ZNF135: variants seen among roughly 807,000 people sequenced by gnomAD.
ZNF135 encodes zinc finger protein 135.
ZNF135 carries 11 observed loss-of-function variants against 12.3 expected under a neutral mutation model. The observed-to-expected ratio is 0.89, with a 90% CI of 0.56 to 1.48. The LOEUF (loss-of-function observed/expected upper bound fraction) is 1.48. Among genes scored for constraint, ZNF135 ranks in the 40% most tolerant of loss-of-function variants. ZNF135 has a pLI of 0.00. For missense variants in ZNF135, 722 were observed against 815.7 expected, an observed-to-expected ratio of 0.89 and a Z score of 1.40; for synonymous variants, 316 against 312.0, an observed-to-expected ratio of 1.01 and a Z score of -0.14.
rs1422182790 is a variant in ZNF135 at position 58,069,149 on chromosome 19, G to A, written c.*688G>A. The A allele has an allele frequency of 6.6e-6, 1 of 152,252 alleles. No individual in the cohort carries two copies. The highest frequency in any genetic ancestry group is 1.5e-5 in the Non-Finnish European group (1 of 68,106). The allele number at this position is 152,252 out of a possible 1,614,324, so 9.4% of individuals were successfully genotyped here. On this transcript the variant is annotated 3_prime_UTR_variant, in exon 5 of 5. Coordinates refer to ENST00000313434, the MANE Select transcript of ZNF135 (RefSeq NM_001289401.2). The stretch of plus-strand genomic sequence containing the variant: ...CAAAGTATCAGTGTACTATAAACAG[G>A]TTTTTAGTTATCCCTGCATTATTTT...
chr19:58,067,315 G>A lies in ZNF135; in HGVS notation c.831G>A (p.Arg277=), dbSNP rs2074087433. The A allele has an allele frequency of 6.2e-7, 1 of 1,614,070 alleles. No homozygotes were observed. The highest frequency in any genetic ancestry group is 8.5e-7 in the Non-Finnish European group (1 of 1,180,016). Residue 277 remains arginine, a synonymous_variant, in exon 5 of 5, where the codon AGG becomes AGA. Coordinates refer to ENST00000313434, the MANE Select transcript of ZNF135 (RefSeq NM_001289401.2). ...CCTATAAATGCACTCAGTGTGGGAG[G>A]ACCTTCAACCAAATTGCCCCACTGA... ...EKPYKCTQCG[R]TFNQIAPLIQ...
chr19:58,061,473 A>G, intron 2 of ZNF135, 107 bp from the exon 3 acceptor site: 2 of 1,443,058 alleles, frequency 1.4e-6, no homozygotes, highest in Non-Finnish European at 1.8e-6. Context: ...AAAACCCCAG[A>G]CCAAAGGGAA....
Position 58,067,653 on chromosome 19 carries a change from C to G in ZNF135, c.1169C>G (p.Ala390Gly), listed in dbSNP as rs1370148889. ...TACGAGTGCCATGAGTGTGGAAAAG[C>G]CTTCACCCAGATCACACCACTGATT... ...KPYECHECGK[A>G]FTQITPLIQH... The change falls in exon 5 of 5, where the codon GCC becomes GGC. Residue 390 changes from alanine to glycine, a missense_variant. Coordinates refer to ENST00000313434, the MANE Select transcript of ZNF135 (RefSeq NM_001289401.2). 1 of 1,613,408 alleles carries G rather than the reference C, an allele frequency of 6.2e-7. No individual in the cohort carries two copies. Among genetic ancestry groups the G allele is most frequent in the East Asian group, 2.2e-5 (1 of 44,826 alleles).
chr19:58,068,174 C>T lies in ZNF135; in HGVS notation c.1690C>T (p.Leu564Phe). ...QCGRAFSQSS[L>F]LIEHQRIHTK... ...TGGCAGAGCCTTCAGCCAGAGCTCC[C>T]TTCTCATCGAACACCAGAGGATTCA... The change falls in exon 5 of 5, where the codon CTT (leucine) becomes TTT (phenylalanine). Residue 564 changes from leucine (L) to phenylalanine (F), a missense_variant. Leu to Phe is a conservative substitution (Grantham distance 22, BLOSUM62 0). Coordinates refer to ENST00000313434, the MANE Select transcript of ZNF135 (RefSeq NM_001289401.2). The T allele has an allele frequency of 6.2e-7, 1 of 1,613,768 alleles. No individual in the cohort carries two copies. The highest frequency in any genetic ancestry group is 2.2e-5 in the East Asian group (1 of 44,826).
chr19:58,063,613 GCTCT>G lies in ZNF135; in HGVS notation c.256+75_256+78del, dbSNP rs752061656. 1 of 1,596,712 alleles carries G rather than the reference GCTCT, an allele frequency of 6.3e-7. No individual in the cohort carries two copies. The highest frequency in any genetic ancestry group is 1.3e-5 in the African/African-American group (1 of 74,388). On this transcript the variant is annotated intron_variant, in intron 4 of 4. Coordinates refer to ENST00000313434, the MANE Select transcript of ZNF135 (RefSeq NM_001289401.2). This position sits in a 1 kb window ranked among gnomAD's most constrained non-coding sequence, Gnocchi z 4.4. ...CTTCCTGGTTTCTCCCTCTGCATCT[GCTCT>G]CTAATTCTTCAGAGCAAATTTACTA... is the stretch of plus-strand genomic sequence containing the variant.
rs1299377570 is a variant in ZNF135, at chr19:58,067,070, A to G, written c.586A>G (p.Arg196Gly). ...SPHTWGTRGK[R>G]EKPDLNVLQK... ...CCACACATGGGGAACACGTGGAAAAAGGGAGAAGCCAGACCTAAATGTTTT... is the reference window on the plus strand; with the variant it reads ...CCACACATGGGGAACACGTGGAAAAGGGGAGAAGCCAGACCTAAATGTTTT... The change falls in exon 5 of 5, where the codon AGG becomes GGG. Residue 196 changes from arginine (R) to glycine (G), a missense_variant. By Grantham distance (125) the Arg-to-Gly change is moderately radical. Coordinates refer to ENST00000313434, the MANE Select transcript of ZNF135 (RefSeq NM_001289401.2). 3 of 1,614,048 alleles carry G rather than the reference A, an allele frequency of 1.9e-6. No homozygotes were observed. In the African/African-American group the frequency reaches 4.0e-5, roughly 22 times the overall value.
Position 58,060,449 on chromosome 19 carries a change from T to C in ZNF135, c.33+414T>C, listed in dbSNP as rs1400778211. ...AGTGGGCTTTATGTTTGTGCGGCCG[T>C]CATTGCATACCTGAGGCTGGGTGAT... On this transcript the variant is annotated intron_variant, in intron 2 of 4. Transcript: ENST00000313434. This position sits in a 1 kb window ranked among gnomAD's most constrained non-coding sequence, Gnocchi z 4.9. The C allele has an allele frequency of 1.8e-6, 2 of 1,108,260 alleles. No individual in the cohort carries two copies. The highest frequency in any genetic ancestry group is 4.7e-5 in the Admixed American group (1 of 21,484). 68.7% of individuals were successfully genotyped at this position (1,108,260 alleles called of 1,614,324 possible). A position where few individuals can be genotyped will look rare whatever the true frequency, so the allele number is the denominator to read the frequency against.
chr19:58,067,375 C>A lies in ZNF135; in HGVS notation c.891C>A (p.Pro297=), dbSNP rs1232530647. The A allele has an allele frequency of 6.2e-7, 1 of 1,614,166 alleles. No individual in the cohort carries two copies. The highest frequency in any genetic ancestry group is 1.1e-5 in the South Asian group (1 of 91,090). Residue 297 remains proline, a synonymous_variant, in exon 5 of 5, where the codon CCC becomes CCA. Coordinates refer to ENST00000313434, the MANE Select transcript of ZNF135 (RefSeq NM_001289401.2). ...QHQRTHTGEK[P]YECSECGKSF... ...AGAGAACTCACACAGGTGAGAAGCC[C>A]TATGAATGCAGCGAATGTGGGAAAT...
chr19:58,068,220 G>A lies in ZNF135; in HGVS notation c.1736G>A (p.Gly579Glu), dbSNP rs376169950. The A allele has an allele frequency of 1.9e-6, 3 of 1,613,358 alleles. No individual in the cohort carries two copies. The Admixed American group carries it at 5.0e-5, about 27-fold the overall frequency. ...ATTCACACCAAGGAAAAGCCGTATG[G>A]GTGCAATGAGTGTGGGAAATCCTTC... ...QRIHTKEKPY[G>E]CNECGKSFSH... The change falls in exon 5 of 5, where the codon GGG (glycine) becomes GAG (glutamate). Residue 579 changes from glycine (G) to glutamate (E), a missense_variant. By Grantham distance (98) the Gly-to-Glu change is moderately conservative. Coordinates refer to ENST00000313434, the MANE Select transcript of ZNF135 (RefSeq NM_001289401.2).
In ZNF135 at chr19:58,069,542, A is replaced by G. The variant is rs890836645; in HGVS notation, c.*1081A>G. 2 of 152,210 alleles carry G rather than the reference A, an allele frequency of 1.3e-5. No individual in the cohort carries two copies. Among genetic ancestry groups the G allele is most frequent in the East Asian group, 3.8e-4 (2 of 5,200 alleles). 9.4% of individuals were successfully genotyped at this position (152,210 alleles called of 1,614,324 possible). On this transcript the variant is annotated 3_prime_UTR_variant, in exon 5 of 5. Transcript: ENST00000313434. ...ACAAATAGCAGTCTTTCTGACAACT[A>G]TAACCTTTAAATGGTGACTTGCTGC...
Position 58,059,340 on chromosome 19 carries a change from G to GAGGCT in ZNF135, c.-35+34_-35+35insTAGGC. 1 of 1,342,486 alleles carries GAGGCT rather than the reference G, an allele frequency of 7.4e-7. No individual in the cohort carries two copies. Among genetic ancestry groups the GAGGCT allele is most frequent in the Non-Finnish European group, 9.8e-7 (1 of 1,017,974 alleles). 83.2% of individuals were successfully genotyped at this position (1,342,486 alleles called of 1,614,324 possible). A position where few individuals can be genotyped will look rare whatever the true frequency, so the allele number is the denominator to read the frequency against. On this transcript the variant is annotated intron_variant, in intron 1 of 4. Coordinates refer to ENST00000313434, the MANE Select transcript of ZNF135 (RefSeq NM_001289401.2). This position sits in a 1 kb window ranked among gnomAD's most constrained non-coding sequence, Gnocchi z 6.5. Reference sequence around the variant, plus strand: ...GCTAGGCCGGCGAGGAGGGGGAGGGGAGGCCAGGCCGGGCCGGGCCGGGCC... The same window carrying GAGGCT: ...GCTAGGCCGGCGAGGAGGGGGAGGGGAGGCTAGGCCAGGCCGGGCCGGGCCGGGCC...
At chr19:58,066,614 G>T in intron 4 of ZNF135, 127 bp from the exon 5 acceptor site, 4 of 1,323,330 alleles carry the variant, frequency 3.0e-6, no homozygotes, top group South Asian at 1.6e-5. Flanking sequence ...TTTTTAAATG[G>T]TCAAAGCCAC....
chr19:58,062,353 C>CTTATTTAT (rs111934366), intron 3 of ZNF135, among the ~76,000 whole-genome samples: 1 of 151,290 alleles, frequency 6.6e-6, no homozygotes, highest in Non-Finnish European at 1.5e-5. Flanking sequence ...ACATTTGAAC[C>CTTATTTAT]TTATTTATTT....
In ZNF135 at chr19:58,065,116, C is replaced by A. The variant is rs1418957110; in HGVS notation, c.256+1575C>A. The stretch of plus-strand genomic sequence containing the variant: ...GATCAGAAATCCACAATGGGTCTAG[C>A]TGGAATATAATAAAGATGTCAGCAG... On this transcript the variant is annotated intron_variant, in intron 4 of 4. Coordinates refer to ENST00000313434, the MANE Select transcript of ZNF135 (RefSeq NM_001289401.2). The surrounding 1 kb of genome is among the most constrained non-coding windows in gnomAD (Gnocchi z 4.0). Among the ~76,000 whole-genome samples the A allele has an allele frequency of 1.3e-5, 2 of 152,122 alleles. No homozygotes were observed. The highest frequency in any genetic ancestry group is 4.8e-5 in the African/African-American group (2 of 41,424).
chr19:58,067,730 G>T lies in ZNF135; in HGVS notation c.1246G>T (p.Gly416Trp). ...AAAGCCCTATGAGTGTGGTGAGTGT[G>T]GGAAAGCCTTCAGTCAGAGCACACT... ...GEKPYECGEC[G>W]KAFSQSTLLT... The change falls in exon 5 of 5, where the codon GGG becomes TGG. Residue 416 changes from glycine (G) to tryptophan (W), a missense_variant. Gly to Trp is a radical substitution (Grantham distance 184, BLOSUM62 -2). Transcript: ENST00000313434. The T allele has an allele frequency of 6.2e-7, 1 of 1,614,130 alleles. No homozygotes were observed. The highest frequency in any genetic ancestry group is 1.1e-5 in the South Asian group (1 of 91,080).
In ZNF135 at chr19:58,063,579, C is replaced by A. The variant is rs1488721320; in HGVS notation, c.256+38C>A. 6.2e-7 allele frequency: 1 copy of A among 1,612,212 alleles called. No homozygotes were observed. Among genetic ancestry groups the A allele is most frequent in the East Asian group, 2.2e-5 (1 of 44,814 alleles). On this transcript the variant is annotated intron_variant, in intron 4 of 4. Transcript: ENST00000313434. The surrounding 1 kb of genome is among the most constrained non-coding windows in gnomAD (Gnocchi z 4.4). ...CCCTTCGGGGCAGAGAGAAGCCTGT[C>A]CATGCTTGCTTCCTGGTTTCTCCCT...
Position 58,066,822 on chromosome 19 carries a change from T to C in ZNF135, c.338T>C (p.Val113Ala). 6.2e-7 allele frequency: 1 copy of C among 1,614,122 alleles called. No homozygotes were observed. The highest frequency in any genetic ancestry group is 8.5e-7 in the Non-Finnish European group (1 of 1,180,024). The stretch of plus-strand genomic sequence containing the variant: ...GAAATATCCAACAGTGTCATCTTGG[T>C]AGAAAGATTCCTGTGGGATGGTCTG... ...SEEISNSVIL[V>A]ERFLWDGLWY... is the part of the protein sequence containing the mutation. Residue 113 changes from valine to alanine, a missense_variant, in exon 5 of 5, where the codon GTA becomes GCA. Transcript: ENST00000313434.
upstream of ZNF135, chr19:58,059,261 G>A (rs534336594): frequency 4.4e-6 from 7 of 1,581,338 alleles, no homozygotes; most frequent in African/African-American, 6.9e-5. This position sits in a 1 kb window ranked among gnomAD's most constrained non-coding sequence, Gnocchi z 6.5. Context: ...GGCTCGCGCC[G>A]GCGCAGTGTC....
Position 58,061,629 on chromosome 19 carries a change from G to C in ZNF135, c.83G>C (p.Trp28Ser), listed in dbSNP as rs1396304672. The C allele has an allele frequency of 1.1e-5, 17 of 1,613,246 alleles. No individual in the cohort carries two copies. The highest frequency in any genetic ancestry group is 5.5e-5 in the South Asian group (5 of 90,946). ...DVVVGFSQEE[W>S]GQLKPAQRTL... is the part of the protein sequence containing the mutation. Reference sequence around the variant, plus strand: ...GTAGTGGGCTTCAGCCAGGAGGAGTGGGGGCAGCTGAAGCCTGCCCAGAGG... The same window carrying C: ...GTAGTGGGCTTCAGCCAGGAGGAGTCGGGGCAGCTGAAGCCTGCCCAGAGG... Residue 28 changes from tryptophan (W) to serine (S), a missense_variant, in exon 3 of 5, where the codon TGG becomes TCG. Trp to Ser is a radical substitution (Grantham distance 177). Transcript: ENST00000313434.
Sources: gnomAD v4.1 joint callset for allele counts (sites outside exome capture counted in the v4.1 genomes callset) on GRCh38, gnomAD v4.1.1 for gene constraint, Gnocchi (gnomAD v3.1) non-coding constraint, MANE v1.5 for transcripts, NCBI Gene and HGNC (gene_info 2026-07-23, HGNC 2026-07-21) for gene names.